Variants in ASB2 observed in about 807,000 individuals in gnomAD.
ASB2 encodes ankyrin repeat and SOCS box protein 2.
Under a neutral mutation model 62.4 loss-of-function variants are expected in ASB2, and 58 were observed. The ratio of observed to expected loss-of-function variants is 0.93; its 90% CI spans 0.75 to 1.16. The LOEUF is 1.16. Ranked by LOEUF, ASB2 falls within the 50% of genes most tolerant of loss-of-function variation. The pLI is 0.00. For missense variants in ASB2, 928 were observed against 887.9 expected, an observed-to-expected ratio of 1.05 and a Z score of -0.57; for synonymous variants, 386 against 385.3, an observed-to-expected ratio of 1.00 and a Z score of -0.02.
chr14:93,954,988 C>G (rs758698202), intron 3 of ASB2: 17 of 453,008 alleles, frequency 3.8e-5, no homozygotes, highest in Non-Finnish European at 7.1e-5. Flanking sequence ...CAGTTTAAAA[C>G]TTCTGAATGT....
intron 6 of ASB2, among the ~76,000 whole-genome samples, chr14:93,950,088 A>T (rs1888895524): frequency 6.6e-6 from 1 of 152,188 alleles, no homozygotes. Flanking sequence ...TCTGAACCTC[A>T]GTCTCTTCAT....
intron 6 of ASB2, 50 bp from the exon 7 acceptor site, chr14:93,947,570 T>C: frequency 1.3e-6 from 2 of 1,595,322 alleles, no homozygotes; most frequent in Non-Finnish European, 1.7e-6. Context: ...GGGAAGTTGC[T>C]GTCCTCAATG....
At chr14:93,960,984 TAAAC>T (rs1265837333) in intron 2 of ASB2, among the ~76,000 whole-genome samples, 2,751 of 150,848 alleles carry the variant, frequency 0.018, 34 homozygotes, top group African/African-American at 0.029. Context: ...AATAAATAAA[TAAAC>T]AGTATCAGCT....
chr14:93,944,948 T>C (rs985254787), intron 7 of ASB2, among the ~76,000 whole-genome samples: 24 of 152,188 alleles, frequency 1.6e-4, no homozygotes, highest in African/African-American at 5.8e-4. Flanking sequence ...CAGATGAAGG[T>C]CCCAGCCCTG....
At chr14:93,967,106 C>T (rs1415991609) in intron 1 of ASB2, among the ~76,000 whole-genome samples, 1 of 152,218 alleles carries the variant, frequency 6.6e-6, no homozygotes, top group Non-Finnish European at 1.5e-5. Flanking sequence ...CTCTTGTGTC[C>T]TCAGTTTTTC....
chr14:93,939,231 C>G lies in ASB2; in HGVS notation c.1494G>C (p.Leu498=). ...CLSLLKFLMD[L]GCDGEPCFSC... ...AGAAGCAGGGCTCGCCGTCGCAGCC[C>G]AGGTCCATGAGGAACTTGAGCAGCG... The change falls in exon 8 of 10, where the codon CTG becomes CTC. Residue 498 remains leucine (L), a synonymous_variant. Transcript: ENST00000555019. 1 of 1,609,774 alleles carries G rather than the reference C, an allele frequency of 6.2e-7. No individual in the cohort carries two copies. Among genetic ancestry groups the G allele is most frequent in the Non-Finnish European group, 8.5e-7 (1 of 1,177,226 alleles).
chr14:93,958,977 A>G (rs1889318415), intron 2 of ASB2, among the ~76,000 whole-genome samples: 1 of 152,186 alleles, frequency 6.6e-6, no homozygotes, highest in Admixed American at 6.5e-5. Flanking sequence ...CGGGATGTTG[A>G]GGTTGATGGA....
chr14:93,956,891 G>A (rs1889238524), intron 2 of ASB2, 21 bp from the exon 3 acceptor site: 1 of 1,614,066 alleles, frequency 6.2e-7, no homozygotes, highest in Non-Finnish European at 8.5e-7. Context: ...CAGAGCAGGA[G>A]TGAAAGAGGG....
chr14:93,962,821 C>A (rs79359833), intron 2 of ASB2, among the ~76,000 whole-genome samples: 212 of 152,290 alleles, frequency 1.4e-3, no homozygotes, highest in Non-Finnish European at 2.7e-3. Context: ...TCTATCTGAC[C>A]CCCTCCTGAG....
chr14:93,934,245 C>A lies in ASB2; in HGVS notation c.*411G>T. The stretch of plus-strand genomic sequence containing the variant: ...GCTCCCCCTACCCCCTACCTTGGGC[C>A]ACGTCTTCATCTTAGTCTTTGGAGA... On this transcript the variant is annotated 3_prime_UTR_variant, in exon 10 of 10. Transcript: ENST00000555019. The A allele has an allele frequency of 2.2e-6, 1 of 457,566 alleles. No individual in the cohort carries two copies. Among genetic ancestry groups the A allele is most frequent in the South Asian group, 1.6e-5 (1 of 64,432 alleles). 28.3% of individuals were successfully genotyped at this position (457,566 alleles called of 1,614,324 possible). A position where few individuals can be genotyped will look rare whatever the true frequency, so the allele number is the denominator to read the frequency against.
intron 1 of ASB2, among the ~76,000 whole-genome samples, chr14:93,970,876 G>A (rs1177988589): frequency 3.3e-5 from 5 of 152,232 alleles, no homozygotes; most frequent in Admixed American, 2.0e-4. Flanking sequence ...GTTGTCAGGT[G>A]AAATTAGGTG....
intron 8 of ASB2, 52 bp downstream of exon 8, chr14:93,939,056 C>T: frequency 7.1e-7 from 1 of 1,400,142 alleles, no homozygotes; most frequent in Non-Finnish European, 9.3e-7. Flanking sequence ...CGCGCGCGTC[C>T]CTGGGCCACA....
At chr14:93,976,268 G>A (rs922622603) in intron 1 of ASB2, among the ~76,000 whole-genome samples, 166 bp downstream of exon 1, 2 of 152,196 alleles carry the variant, frequency 1.3e-5, no homozygotes, top group African/African-American at 2.4e-5. Flanking sequence ...CATCCAAAAC[G>A]AAAGTCACCA....
At chr14:93,935,317 G>A (rs1888232022) in intron 9 of ASB2, among the ~76,000 whole-genome samples, 1 of 152,180 alleles carries the variant, frequency 6.6e-6, no homozygotes, top group Non-Finnish European at 1.5e-5. Context: ...GCCTCCCCCA[G>A]GAGCCACGTA....
Position 93,939,026 on chromosome 14 carries a change from C to G in ASB2, c.1617+82G>C, listed in dbSNP as rs1182054633. ...CTCCCAAGGAGCGCGAACCACCCGG[C>G]CCCGCCCGCCTCCCATGCGCGCGCG... On this transcript the variant is annotated intron_variant, in intron 8 of 9. Transcript: ENST00000555019. 4 of 1,261,346 alleles carry G rather than the reference C, an allele frequency of 3.2e-6. No homozygotes were observed. In the African/African-American group the frequency reaches 6.4e-5, roughly 20 times the overall value. 78.1% of individuals were successfully genotyped at this position (1,261,346 alleles called of 1,614,324 possible). A position where few individuals can be genotyped will look rare whatever the true frequency, so the allele number is the denominator to read the frequency against.
rs1360920465 is a variant in ASB2 at position 93,946,322 on chromosome 14, G to T, written c.1052+1027C>A. On this transcript the variant is annotated intron_variant, in intron 7 of 9. Transcript: ENST00000555019. ...ATGGGAGGCAGATGAGTCACACTCT[G>T]GAAATGACCAAGCCCTGTCCATCCT... is the stretch of plus-strand genomic sequence containing the variant. Among the ~76,000 whole-genome samples, 12 of 152,226 alleles carry T rather than the reference G, an allele frequency of 7.9e-5. 1 individual carries two copies. Among genetic ancestry groups the T allele is most frequent in the African/African-American group, 2.7e-4 (11 of 41,452 alleles).
Position 93,939,148 on chromosome 14 carries a change from T to C in ASB2, c.1577A>G (p.Asn526Ser), listed in dbSNP as rs368927735. 1.5e-4 allele frequency: 239 copies of C among 1,573,786 alleles called. 1 individual carries two copies. The highest frequency in any genetic ancestry group is 8.1e-4 in the South Asian group (71 of 88,086). The change falls in exon 8 of 10, where the codon AAC becomes AGC. Residue 526 changes from asparagine to serine, a missense_variant. Coordinates refer to ENST00000555019, the MANE Select transcript of ASB2 (RefSeq NM_001202429.2). ...CTCCTTGTCGGCCGCGGGCGCGTCG[T>C]TGAACCTGCTGGAGGGCTGCGGGGC... is the stretch of plus-strand genomic sequence containing the variant. The part of the protein sequence containing the change: ...PPAPQPSSRF[N>S]DAPAADKEPS...
chr14:93,950,499 C>T (rs991169181), intron 6 of ASB2, among the ~76,000 whole-genome samples: 2 of 152,182 alleles, frequency 1.3e-5, no homozygotes, highest in Admixed American at 1.3e-4. Flanking sequence ...AAATCACTTT[C>T]CCATCCTGGT....
chr14:93,957,038 C>T, intron 2 of ASB2, 168 bp from the exon 3 acceptor site: 1 of 1,500,452 alleles, frequency 6.7e-7, no homozygotes, highest in Non-Finnish European at 8.9e-7. Context: ...GTGCTGGACA[C>T]AGCTGCTGTG....
Sources: allele counts gnomAD v4.1 joint callset (sites outside exome capture counted in the v4.1 genomes callset), GRCh38; gene constraint gnomAD v4.1.1; transcripts MANE v1.5; gene names NCBI Gene and HGNC (gene_info 2026-07-23, HGNC 2026-07-21).